The following RORA variants were observed in gnomAD, a reference collection of about 807,000 sequenced individuals.
RORA encodes the protein RAR related orphan receptor A.
Under a neutral mutation model 69.5 loss-of-function variants are expected in RORA, and 7 were observed. The ratio of observed to expected loss-of-function variants is 0.10; its 90% CI spans 0.06 to 0.19. The LOEUF is 0.19. Ranked by LOEUF, RORA falls within the 10% of genes least tolerant of loss-of-function variation. RORA has a pLI of 1.00. For missense variants in RORA, 457 were observed against 663.0 expected (o/e 0.69, Z 3.41); for synonymous variants, 261 against 240.8 (o/e 1.08, Z -0.78).
At chr15:60,974,961 G>A (rs114897171) in intron 1 of RORA, among the ~76,000 whole-genome samples, 1 of 152,228 alleles carries the variant, frequency 6.6e-6, no homozygotes, top group Non-Finnish European at 1.5e-5. Flanking sequence ...TGTTCGGCTG[G>A]ACATGGTGAA....
chr15:60,903,761 T>G (rs949847281), intron 1 of RORA, among the ~76,000 whole-genome samples: 1 of 152,208 alleles, frequency 6.6e-6, no homozygotes, highest in African/African-American at 2.4e-5. Flanking sequence ...TTTAAAATTA[T>G]GCAAAATCGG....
intron 1 of RORA, among the ~76,000 whole-genome samples, chr15:60,710,254 C>T (rs942028672): frequency 4.6e-5 from 7 of 152,168 alleles, no homozygotes; most frequent in Non-Finnish European, 8.8e-5. Flanking sequence ...TTTGGGAGGC[C>T]GAGGTGGGTG....
chr15:61,228,381 A>C (rs1206724847), intron 1 of RORA, among the ~76,000 whole-genome samples: 1 of 113,398 alleles, frequency 8.8e-6, no homozygotes, highest in Non-Finnish European at 2.3e-5. Context: ...AACTTGGCGA[A>C]CAGCTCGCCC....
At chr15:60,978,848 A>G (rs901677213) in intron 1 of RORA, among the ~76,000 whole-genome samples, 3 of 151,932 alleles carry the variant, frequency 2.0e-5, no homozygotes, top group Non-Finnish European at 4.4e-5. Context: ...TGGACTCTCA[A>G]TTCTATTCCA....
At chr15:60,781,649 C>G (rs1208066823) in intron 1 of RORA, among the ~76,000 whole-genome samples, 2 of 149,966 alleles carry the variant, frequency 1.3e-5, no homozygotes, top group African/African-American at 4.9e-5. Flanking sequence ...GGTGTCAAGT[C>G]ACAGTTATAT....
At chr15:60,738,650 A>C (rs1205559824) in intron 1 of RORA, among the ~76,000 whole-genome samples, 1 of 152,262 alleles carries the variant, frequency 6.6e-6, no homozygotes, top group Non-Finnish European at 1.5e-5. Flanking sequence ...TGATTTGAAA[A>C]GAAATGAAAA....
At chr15:61,028,418 G>A (rs1895945945) in intron 1 of RORA, among the ~76,000 whole-genome samples, 1 of 152,086 alleles carries the variant, frequency 6.6e-6, no homozygotes, top group Non-Finnish European at 1.5e-5. Context: ...AACTAAATTA[G>A]GATTCATTCA....
chr15:60,598,304 G>A (rs1024027354), intron 2 of RORA: 16 of 152,086 alleles, frequency 1.1e-4, no homozygotes, highest in Middle Eastern at 3.4e-3. Context: ...TTTGAAACTC[G>A]TGTGTGTGTG....
At chr15:60,781,120 C>T (rs2072246761) in intron 1 of RORA, among the ~76,000 whole-genome samples, 1 of 152,144 alleles carries the variant, frequency 6.6e-6, no homozygotes, top group Non-Finnish European at 1.5e-5. Context: ...ACATCCGCCT[C>T]CTTCTGCTTC....
intron 3 of RORA, among the ~76,000 whole-genome samples, chr15:60,527,006 ATTATCT>A (rs2066380430): frequency 6.6e-6 from 1 of 152,188 alleles, no homozygotes; most frequent in Non-Finnish European, 1.5e-5. Flanking sequence ...ATTGTCTCAA[ATTATCT>A]TTAGTGGGTA....
intron 3 of RORA, among the ~76,000 whole-genome samples, chr15:60,516,074 T>C (rs1342144408): frequency 1.8e-5 from 1 of 56,050 alleles, no homozygotes; most frequent in African/African-American, 8.5e-5. Flanking sequence ...TATTTATATA[T>C]ATTTATTTAT....
intron 1 of RORA, among the ~76,000 whole-genome samples, chr15:60,946,884 C>A (rs892720859): frequency 2.6e-5 from 4 of 151,828 alleles, no homozygotes; most frequent in Non-Finnish European, 5.9e-5. Context: ...CCCGCCGCCC[C>A]GTCTGGGATG....
chr15:60,876,265 G>A (rs2073612835), intron 1 of RORA, among the ~76,000 whole-genome samples: 1 of 140,896 alleles, frequency 7.1e-6, no homozygotes, highest in Non-Finnish European at 1.5e-5. Context: ...TGTTTTTTCT[G>A]AAGTTGGCTT....
intron 2 of RORA, among the ~76,000 whole-genome samples, chr15:60,542,487 TCACACG>T (rs1567073007): frequency 4.3e-4 from 54 of 125,314 alleles, no homozygotes; most frequent in African/African-American, 1.9e-3. Context: ...CAGGCGCACC[TCACACG>T]GCACACAGGC....
intron 1 of RORA, among the ~76,000 whole-genome samples, chr15:60,707,410 C>G (rs2071079054): frequency 6.6e-6 from 1 of 151,622 alleles, no homozygotes; most frequent in South Asian, 2.1e-4. Context: ...GTCACCCAGG[C>G]TGGAGTGCAA....
Position 60,512,835 on chromosome 15 carries a change from A to G in RORA, c.425-1214T>C, listed in dbSNP as rs138093787. Among the ~76,000 whole-genome samples, 8 of 152,352 alleles carry G rather than the reference A, an allele frequency of 5.3e-5. No homozygotes were observed. In the East Asian group the frequency reaches 1.5e-3, roughly 29 times the overall value. On this transcript the variant is annotated intron_variant, in intron 4 of 10. Transcript: ENST00000335670. ...TCAAATGAATTCTTGTGAAACACCA[A>G]GATAACTGAAAACAAAAACACACAA...
chr15:60,717,916 C>T (rs1330388617), intron 1 of RORA, among the ~76,000 whole-genome samples: 2 of 150,512 alleles, frequency 1.3e-5, no homozygotes, highest in African/African-American at 4.9e-5. Flanking sequence ...TGTCCTGCCT[C>T]AGCCTCCTGA....
chr15:61,092,287 G>A (rs4775357), intron 1 of RORA, among the ~76,000 whole-genome samples: 55,697 of 152,080 alleles, frequency 0.37, 10,515 homozygotes, highest in African/African-American at 0.43. Context: ...TCAAAAAAAT[G>A]TGAAATAAAA....
At chr15:61,162,961 G>A (rs1231514039) in intron 1 of RORA, among the ~76,000 whole-genome samples, 7 of 152,164 alleles carry the variant, frequency 4.6e-5, no homozygotes, top group South Asian at 2.1e-4. Context: ...GTCACTCACC[G>A]CACTCAGCAG....
Sources: gnomAD v4.1 joint callset for allele counts (sites outside exome capture counted in the v4.1 genomes callset) on GRCh38, gnomAD v4.1.1 for gene constraint, MANE v1.5 for transcripts, NCBI Gene and HGNC (gene_info 2026-07-23, HGNC 2026-07-21) for gene names.